Variants in BNC2 observed in about 807,000 individuals in gnomAD.
The protein encoded by BNC2 is zinc finger protein basonuclin-2.
BNC2 carries 20 observed loss-of-function variants against 76.3 expected under a neutral mutation model. That is an observed-to-expected ratio of 0.26 (90% CI 0.18 to 0.38). The LOEUF (loss-of-function observed/expected upper bound fraction) is 0.38, where lower values mean the gene tolerates loss of function less well. Ranked by LOEUF, BNC2 falls within the 10% of genes least tolerant of loss-of-function variation. The pLI, the probability that BNC2 is intolerant of heterozygous loss-of-function variation, is 1.00. For missense variants in BNC2, 1,382 were observed against 1,399.8 expected (o/e 0.99, Z 0.20); for synonymous variants, 582 against 514.8 (o/e 1.13, Z -1.77).
intron 3 of BNC2, among the ~76,000 whole-genome samples, chr9:16,670,480 A>T (rs1385637712): frequency 2.0e-5 from 3 of 152,162 alleles, no homozygotes; most frequent in Non-Finnish European, 4.4e-5. Flanking sequence ...GTATCCAGCC[A>T]ATTTAAGAAG....
intron 1 of BNC2, among the ~76,000 whole-genome samples, chr9:16,813,141 T>A (rs1439910125): frequency 6.6e-6 from 1 of 152,050 alleles, no homozygotes; most frequent in African/African-American, 2.4e-5. Context: ...GAGGTTGCAG[T>A]GAGCTGAGAT....
intron 1 of BNC2, among the ~76,000 whole-genome samples, chr9:16,752,429 T>G (rs5006333): frequency 0.86 from 130,671 of 151,828 alleles, 56,614 homozygotes; most frequent in Non-Finnish European, 0.91. Context: ...GTCAATGTGT[T>G]TGGGCGGCAG....
intron 4 of BNC2, among the ~76,000 whole-genome samples, chr9:16,581,325 C>T (rs1460245639): frequency 3.3e-5 from 5 of 152,098 alleles, no homozygotes; most frequent in East Asian, 1.9e-4. Context: ...TCTGGGAGGC[C>T]GAGGCTGGCA....
intron 1 of BNC2, among the ~76,000 whole-genome samples, chr9:16,801,876 C>T (rs1442667368): frequency 6.6e-6 from 1 of 152,100 alleles, no homozygotes; most frequent in African/African-American, 2.4e-5. Context: ...TTCTCCTTCT[C>T]TGTGGTTCTG....
chr9:16,433,130 T>A (rs965801241), intron 6 of BNC2, among the ~76,000 whole-genome samples: 2 of 152,176 alleles, frequency 1.3e-5, no homozygotes, highest in Non-Finnish European at 2.9e-5. Flanking sequence ...CATAACATTA[T>A]ATTAATTCAA....
At chr9:16,650,581 TACTC>T (rs1821766901) in intron 3 of BNC2, among the ~76,000 whole-genome samples, 1 of 152,174 alleles carries the variant, frequency 6.6e-6, no homozygotes, top group Non-Finnish European at 1.5e-5. Context: ...GTAGACTAAT[TACTC>T]ACTGATTTGT....
intron 3 of BNC2, among the ~76,000 whole-genome samples, chr9:16,722,073 C>T (rs374567024): frequency 6.6e-6 from 1 of 152,130 alleles, no homozygotes; most frequent in East Asian, 1.9e-4. Flanking sequence ...GTGTGTAATG[C>T]ATACAAGGTA....
intron 1 of BNC2, among the ~76,000 whole-genome samples, chr9:16,766,250 C>T (rs1382459204): frequency 6.6e-6 from 1 of 152,156 alleles, no homozygotes; most frequent in African/African-American, 2.4e-5. Flanking sequence ...TCATACTTAT[C>T]TCTGCAACCA....
chr9:16,429,960 T>C (rs770409912), intron 6 of BNC2: 5 of 516,126 alleles, frequency 9.7e-6, no homozygotes, highest in African/African-American at 9.6e-5. Flanking sequence ...CTCCCCATGA[T>C]ACAAGGAGAC....
intron 5 of BNC2, among the ~76,000 whole-genome samples, chr9:16,500,782 T>C (rs769253002): frequency 2.0e-5 from 3 of 152,176 alleles, no homozygotes; most frequent in East Asian, 3.9e-4. Flanking sequence ...CATCACTCTG[T>C]TTTAAGAGTA....
At chr9:16,676,972 G>A (rs1389308289) in intron 3 of BNC2, among the ~76,000 whole-genome samples, 4 of 152,128 alleles carry the variant, frequency 2.6e-5, no homozygotes, top group Non-Finnish European at 5.9e-5. Context: ...TAGTTATCTT[G>A]TTCCAAAATT....
rs77959482 is a variant in BNC2 at position 16,738,341 on chromosome 9, A to C, written c.129+19T>G. The C allele has an allele frequency of 5.3e-5, 1 of 19,032 alleles. No individual in the cohort carries two copies. Among genetic ancestry groups the C allele is most frequent in the Non-Finnish European group, 9.3e-5 (1 of 10,710 alleles). The allele number at this position is 19,032 out of a possible 1,614,324, so 1.2% of individuals were successfully genotyped here. ...GTGTGTCCAAGTAACTTAAAGGGGGAAAAAAAAAACCAACATACCTCAATT... is the reference window on the plus strand; with the variant it reads ...GTGTGTCCAAGTAACTTAAAGGGGGCAAAAAAAAACCAACATACCTCAATT... On this transcript the variant is annotated intron_variant, in intron 2 of 6. Coordinates refer to ENST00000380672, the MANE Select transcript of BNC2 (RefSeq NM_017637.6).
intron 3 of BNC2, chr9:16,665,212 T>C (rs992847815): frequency 1.3e-5 from 5 of 379,132 alleles, no homozygotes; most frequent in African/African-American, 8.6e-5. Context: ...CTACTAAAAA[T>C]AGAAAAAATT....
intron 4 of BNC2, among the ~76,000 whole-genome samples, chr9:16,572,393 C>G (rs1184633004): frequency 2.6e-5 from 4 of 152,112 alleles, no homozygotes; most frequent in East Asian, 3.9e-4. Flanking sequence ...GTGCTTATAC[C>G]TTAAAATGGG....
intron 3 of BNC2, among the ~76,000 whole-genome samples, chr9:16,589,343 T>C (rs1358136581): frequency 6.7e-6 from 1 of 150,044 alleles, no homozygotes; most frequent in Non-Finnish European, 1.5e-5. Context: ...ACACCACCAC[T>C]TCTGGCTAAT....
At chr9:16,688,996 C>G (rs1213471389) in intron 3 of BNC2, among the ~76,000 whole-genome samples, 1 of 152,038 alleles carries the variant, frequency 6.6e-6, no homozygotes, top group Non-Finnish European at 1.5e-5. Context: ...CTCTCTCTCT[C>G]CCCTCAGGAG....
intron 5 of BNC2, among the ~76,000 whole-genome samples, chr9:16,498,296 C>CATATATATATATATATTCCATCATATAT (rs150566244): frequency 5.9e-5 from 6 of 102,186 alleles, no homozygotes; most frequent in African/African-American, 1.5e-4. Flanking sequence ...TATATTCCAT[C>CATATATATATATATATTCCATCATATAT]ATATATATAT....
Position 16,435,819 on chromosome 9 carries a change from C to T in BNC2, c.2375G>A (p.Gly792Glu), listed in dbSNP as rs757934305. 8.7e-6 allele frequency: 14 copies of T among 1,614,040 alleles called. No homozygotes were observed. In the South Asian group the frequency reaches 1.5e-4, roughly 18 times the overall value. ...TYDMFYMSQY[G>E]LYNGGGASMA... Reference sequence around the variant, plus strand: ...GCTGGCACCCCCACCATTGTACAGTCCATACTGGCTCATGTAAAACATGTC... The same window carrying T: ...GCTGGCACCCCCACCATTGTACAGTTCATACTGGCTCATGTAAAACATGTC... Residue 792 changes from glycine (G) to glutamate (E), a missense_variant, in exon 6 of 7, where the codon GGA (glycine) becomes GAA (glutamate). Gly to Glu is a moderately conservative substitution (Grantham distance 98, BLOSUM62 -2). This residue lies in a region of BNC2 where 798 missense variants were observed against 775.5 expected (regional missense o/e 1.03). Transcript: ENST00000380672.
intron 1 of BNC2, among the ~76,000 whole-genome samples, chr9:16,858,131 G>C (rs1318957232): frequency 1.3e-5 from 2 of 152,146 alleles, no homozygotes; most frequent in African/African-American, 2.4e-5. Context: ...TGTTTTTCTA[G>C]TCATGACGGG....
Sources: gnomAD v4.1 joint callset for allele counts (sites outside exome capture counted in the v4.1 genomes callset) on GRCh38, gnomAD v4.1.1 for gene constraint, gnomAD v4.1.1 regional missense constraint, MANE v1.5 for transcripts, NCBI Gene and HGNC (gene_info 2026-07-23, HGNC 2026-07-21) for gene names.